Variants in UNC5C observed in about 807,000 individuals in gnomAD.
UNC5C encodes the protein netrin receptor UNC5C.
Under a neutral mutation model 99.8 loss-of-function variants are expected in UNC5C, and 47 were observed. That is an observed-to-expected ratio of 0.47 (90% confidence interval 0.37 to 0.60). The LOEUF (loss-of-function observed/expected upper bound fraction) is 0.60. Among genes scored for constraint, UNC5C ranks in the 20% least tolerant of loss-of-function variants. The pLI is 0.00. For synonymous variants in UNC5C, 487 were observed against 452.2 expected, an observed-to-expected ratio of 1.08 and a Z score of -0.98; for missense variants, 1,062 against 1,165.9, an observed-to-expected ratio of 0.91 and a Z score of 1.30.
chr4:95,202,642 C>T (rs1737723000), intron 12 of UNC5C, 89 bp downstream of exon 12: 3 of 1,308,334 alleles, frequency 2.3e-6, no homozygotes, highest in African/African-American at 2.9e-5. Context: ...GGTGCACACA[C>T]ACAGCCACAT....
chr4:95,205,968 C>T (rs1737860214), intron 11 of UNC5C, among the ~76,000 whole-genome samples: 1 of 151,370 alleles, frequency 6.6e-6, no homozygotes, highest in Non-Finnish European at 1.5e-5. Context: ...TGCAATGTTT[C>T]TGACCTGCAA....
intron 14 of UNC5C, among the ~76,000 whole-genome samples, chr4:95,173,197 T>A (rs1160316215): frequency 6.7e-5 from 10 of 149,980 alleles, no homozygotes; most frequent in African/African-American, 2.4e-4. Flanking sequence ...CAGGGACAAT[T>A]TGACTTCCTC....
chr4:95,464,766 CT>C (rs1295214418), intron 1 of UNC5C, among the ~76,000 whole-genome samples: 2 of 152,092 alleles, frequency 1.3e-5, no homozygotes, highest in Non-Finnish European at 2.9e-5. Flanking sequence ...TTCTAATAGG[CT>C]TTTGTTTCAA....
intron 1 of UNC5C, among the ~76,000 whole-genome samples, chr4:95,392,605 T>C (rs1261481003): frequency 6.6e-6 from 1 of 151,814 alleles, no homozygotes; most frequent in East Asian, 1.9e-4. Context: ...GATAAGTTTT[T>C]AAAACTTTTT....
intron 1 of UNC5C, among the ~76,000 whole-genome samples, chr4:95,341,042 T>C (rs986893251): frequency 1.3e-5 from 2 of 152,134 alleles, no homozygotes; most frequent in Admixed American, 6.6e-5. Flanking sequence ...ATTGCATATA[T>C]GGCTGGAGTG....
At chr4:95,480,969 C>T (rs922376640) in intron 1 of UNC5C, among the ~76,000 whole-genome samples, 9 of 150,884 alleles carry the variant, frequency 6.0e-5, no homozygotes, top group African/African-American at 2.0e-4. Context: ...TGCCCTCTCT[C>T]ACCACTCCTA....
intron 1 of UNC5C, among the ~76,000 whole-genome samples, chr4:95,483,377 C>T (rs890245072): frequency 6.6e-6 from 1 of 151,522 alleles, no homozygotes; most frequent in Non-Finnish European, 1.5e-5. Flanking sequence ...AAATATTCAC[C>T]CCTTTACTAA....
At chr4:95,324,865 G>C (rs766129873) in intron 2 of UNC5C, among the ~76,000 whole-genome samples, 5 of 152,136 alleles carry the variant, frequency 3.3e-5, no homozygotes, top group Non-Finnish European at 7.3e-5. Flanking sequence ...AAATCTCTGA[G>C]ACATAAATTT....
At position 95,407,602 on chromosome 4, in the gene UNC5C, T is replaced by G. The variant is rs148394347; in HGVS notation, c.125-71971A>C. ...TGGAAGCACTTAGGGATACATTAATTTTAGTATGTAGAAATCTAAGGATGA... is the reference window on the plus strand; with the variant it reads ...TGGAAGCACTTAGGGATACATTAATGTTAGTATGTAGAAATCTAAGGATGA... On this transcript the variant is annotated intron_variant, in intron 1 of 15. Coordinates refer to ENST00000453304, the MANE Select transcript of UNC5C (RefSeq NM_003728.4). 7.9e-3 allele frequency among the ~76,000 whole-genome samples: 1,206 copies of G among 152,268 alleles called. 19 individuals carry two copies. The highest frequency in any genetic ancestry group is 0.027 in the African/African-American group (1,127 of 41,560).
chr4:95,275,954 G>A (rs1740845132), intron 4 of UNC5C, among the ~76,000 whole-genome samples: 1 of 152,114 alleles, frequency 6.6e-6, no homozygotes, highest in African/African-American at 2.4e-5. Flanking sequence ...AGTTTTACCT[G>A]CTGGTTTTCC....
At chr4:95,404,522 A>G (rs181890619) in intron 1 of UNC5C, among the ~76,000 whole-genome samples, 242 of 152,314 alleles carry the variant, frequency 1.6e-3, no homozygotes, top group African/African-American at 5.4e-3. Flanking sequence ...ATTCAACTGT[A>G]TAATAATGGG....
chr4:95,489,592 G>T (rs1721424481), intron 1 of UNC5C, among the ~76,000 whole-genome samples: 1 of 151,712 alleles, frequency 6.6e-6, no homozygotes, highest in Non-Finnish European at 1.5e-5. Flanking sequence ...TTAGATTACT[G>T]CCATATTATA....
At chr4:95,461,796 GC>G (rs890485288) in intron 1 of UNC5C, among the ~76,000 whole-genome samples, 9 of 152,308 alleles carry the variant, frequency 5.9e-5, no homozygotes, top group African/African-American at 2.2e-4. Flanking sequence ...CAGAGGTGAT[GC>G]GTGGCGATGA....
intron 15 of UNC5C, among the ~76,000 whole-genome samples, chr4:95,169,934 G>T (rs1052504761): frequency 6.6e-6 from 1 of 152,164 alleles, no homozygotes; most frequent in Non-Finnish European, 1.5e-5. Flanking sequence ...CACAAAACTT[G>T]ATACTTACCA....
chr4:95,325,699 T>A (rs1413408350), intron 2 of UNC5C, among the ~76,000 whole-genome samples: 1 of 152,150 alleles, frequency 6.6e-6, no homozygotes, highest in Non-Finnish European at 1.5e-5. Context: ...AATTCCTTTT[T>A]TCCATTAAGG....
intron 1 of UNC5C, among the ~76,000 whole-genome samples, chr4:95,409,836 TC>T (rs1745929863): frequency 6.6e-6 from 1 of 152,172 alleles, no homozygotes; most frequent in Non-Finnish European, 1.5e-5. Flanking sequence ...TCCTCACCTG[TC>T]ACAAGAGGCT....
chr4:95,353,824 C>T (rs368059190), intron 1 of UNC5C, among the ~76,000 whole-genome samples: 2 of 151,778 alleles, frequency 1.3e-5, no homozygotes, highest in East Asian at 3.9e-4. Flanking sequence ...AACTAAATAA[C>T]CATTTAAAAA....
At chr4:95,457,681 A>T (rs1034318775) in intron 1 of UNC5C, among the ~76,000 whole-genome samples, 3 of 152,132 alleles carry the variant, frequency 2.0e-5, no homozygotes, top group Non-Finnish European at 4.4e-5. Context: ...TTGGAGAGAG[A>T]GAAAGAGAGA....
chr4:95,241,207 T>G (rs1739319948), intron 7 of UNC5C, among the ~76,000 whole-genome samples: 1 of 152,222 alleles, frequency 6.6e-6, no homozygotes, highest in Non-Finnish European at 1.5e-5. Flanking sequence ...TTTTCATTTA[T>G]GCATTTCTAG....
Sources: allele counts gnomAD v4.1 joint callset (sites outside exome capture counted in the v4.1 genomes callset), GRCh38; gene constraint gnomAD v4.1.1; transcripts MANE v1.5; gene names NCBI Gene and HGNC (gene_info 2026-07-23, HGNC 2026-07-21).